Variants in KCNIP1 observed in about 807,000 individuals in gnomAD.
The protein encoded by KCNIP1 is A-type potassium channel modulatory protein KCNIP1.
In KCNIP1, 18 loss-of-function variants were observed where a neutral mutation model predicts 33.0. The observed-to-expected ratio is 0.55, with a 90% CI of 0.38 to 0.81. The LOEUF is 0.81. KCNIP1 is among the 30% of genes least tolerant of loss of function. KCNIP1 has a pLI of 0.00. For synonymous variants in KCNIP1, 93 were observed against 98.3 expected, an observed-to-expected ratio of 0.95 and a Z score of 0.32; for missense variants, 238 against 271.6, an observed-to-expected ratio of 0.88 and a Z score of 0.87.
At chr5:170,527,400 C>A (rs1453202913) in intron 1 of KCNIP1, among the ~76,000 whole-genome samples, 5 of 152,066 alleles carry the variant, frequency 3.3e-5, no homozygotes, top group Non-Finnish European at 2.9e-5. Context: ...TGGGCTTGGG[C>A]ATCAGGAAGA....
chr5:170,600,769 A>C (rs188723996), intron 1 of KCNIP1, among the ~76,000 whole-genome samples: 11 of 152,346 alleles, frequency 7.2e-5, no homozygotes, highest in Middle Eastern at 3.4e-3. Context: ...GCCTGGATTC[A>C]GATCTCCACT....
At chr5:170,651,187 C>G (rs1761028687) in intron 1 of KCNIP1, among the ~76,000 whole-genome samples, 1 of 152,118 alleles carries the variant, frequency 6.6e-6, no homozygotes, top group South Asian at 2.1e-4. Context: ...TTCTAACAGT[C>G]AGGGCTCCCA....
At chr5:170,654,923 A>G (rs1761201083) in intron 1 of KCNIP1, among the ~76,000 whole-genome samples, 1 of 152,246 alleles carries the variant, frequency 6.6e-6, no homozygotes, top group South Asian at 2.1e-4. Context: ...GGTGTATCAT[A>G]AAACCATTAC....
chr5:170,430,421 C>A (rs780658241), intron 1 of KCNIP1, among the ~76,000 whole-genome samples: 2 of 152,212 alleles, frequency 1.3e-5, no homozygotes, highest in African/African-American at 2.4e-5. Context: ...ACTTGCCCAG[C>A]ATTCTCTTCC....
intron 1 of KCNIP1, among the ~76,000 whole-genome samples, chr5:170,708,757 G>C (rs1473949907): frequency 1.3e-5 from 2 of 152,158 alleles, no homozygotes; most frequent in Non-Finnish European, 2.9e-5. Flanking sequence ...AAACTAGCCA[G>C]GCATGGTGAC....
At chr5:170,555,236 G>A (rs1205011420) in intron 1 of KCNIP1, among the ~76,000 whole-genome samples, 9 of 152,066 alleles carry the variant, frequency 5.9e-5, no homozygotes, top group Non-Finnish European at 5.9e-5. Flanking sequence ...TGACAGCATC[G>A]TGGAGGTGAT....
At chr5:170,627,289 T>A (rs1003276423) in intron 1 of KCNIP1, among the ~76,000 whole-genome samples, 14 of 152,176 alleles carry the variant, frequency 9.2e-5, no homozygotes, top group African/African-American at 3.4e-4. Flanking sequence ...AAATAAATAA[T>A]GTACCTGGTA....
chr5:170,691,276 C>T (rs1027021529), intron 1 of KCNIP1, among the ~76,000 whole-genome samples: 1 of 152,062 alleles, frequency 6.6e-6, no homozygotes, highest in Non-Finnish European at 1.5e-5. Flanking sequence ...CTGCCACAGG[C>T]TAAATAAGTT....
At chr5:170,445,126 G>A (rs536550336) in intron 1 of KCNIP1, among the ~76,000 whole-genome samples, 3 of 152,358 alleles carry the variant, frequency 2.0e-5, no homozygotes, top group East Asian at 1.9e-4. Context: ...GTGCCTGGCC[G>A]TCACTGGCCA....
intron 1 of KCNIP1, among the ~76,000 whole-genome samples, chr5:170,633,764 G>C (rs1760173824): frequency 8.4e-6 from 1 of 119,614 alleles, no homozygotes; most frequent in Non-Finnish European, 1.8e-5. Context: ...GGGCGGAGGG[G>C]GGATGGGGCG....
intron 1 of KCNIP1, chr5:170,377,637 A>G (rs77069032): frequency 0.069 from 10,405 of 151,872 alleles, 436 homozygotes; most frequent in Middle Eastern, 0.15. Flanking sequence ...CAGTGGCACA[A>G]TCTCGGCTCA....
chr5:170,437,097 G>A (rs941163774), intron 1 of KCNIP1, among the ~76,000 whole-genome samples: 1 of 152,188 alleles, frequency 6.6e-6, no homozygotes, highest in African/African-American at 2.4e-5. Context: ...CGGAAAATGG[G>A]GGTATGATTT....
intron 1 of KCNIP1, among the ~76,000 whole-genome samples, chr5:170,622,709 G>A (rs1425516086): frequency 3.9e-5 from 6 of 152,128 alleles, no homozygotes; most frequent in South Asian, 2.1e-4. Context: ...GATGCAGCGC[G>A]AGGCTAAGGA....
In KCNIP1 at chr5:170,519,136, G is replaced by A. The variant is rs562909578; in HGVS notation, c.61+14503G>A. Among the ~76,000 whole-genome samples the A allele has an allele frequency of 4.6e-5, 7 of 152,168 alleles. No homozygotes were observed. The South Asian group carries it at 6.2e-4, about 14-fold the overall frequency. On this transcript the variant is annotated intron_variant, in intron 1 of 7. Transcript: ENST00000328939. ...GGGTGTGGCATATAGTGAGGGCTCC[G>A]CTAATGGCAGCAGCTATTAATATTG...
chr5:170,642,743 G>A (rs372311281), intron 1 of KCNIP1, among the ~76,000 whole-genome samples: 18 of 152,186 alleles, frequency 1.2e-4, no homozygotes, highest in African/African-American at 4.3e-4. Flanking sequence ...AGGGCTAAGG[G>A]TAAACCTGGG....
At chr5:170,515,818 G>T (rs13168824) in intron 1 of KCNIP1, among the ~76,000 whole-genome samples, 11,563 of 152,262 alleles carry the variant, frequency 0.076, 506 homozygotes, top group Middle Eastern at 0.2. Flanking sequence ...GGATTCAGAG[G>T]ATGGAGAAAG....
rs550395822 is a variant in KCNIP1 at position 170,623,214 on chromosome 5, T to TA, written c.62-95544_62-95543insA. On this transcript the variant is annotated intron_variant, in intron 1 of 7. Transcript: ENST00000328939. ...CAGGGGATTGGCGACCCCTGTCTTT[T>TA]TTTTTTTCTTTTTTTTGAGATGGAG... Among the ~76,000 whole-genome samples, 30 of 151,136 alleles carry TA rather than the reference T, an allele frequency of 2.0e-4. No individual in the cohort carries two copies. The East Asian group carries it at 5.5e-3, about 28-fold the overall frequency.
intron 1 of KCNIP1, among the ~76,000 whole-genome samples, chr5:170,599,904 C>T (rs1248022888): frequency 6.6e-6 from 1 of 152,238 alleles, no homozygotes; most frequent in Admixed American, 6.5e-5. Context: ...GTGATTCACT[C>T]CCTTTCCACT....
intron 1 of KCNIP1, among the ~76,000 whole-genome samples, chr5:170,514,843 G>T (rs923066847): frequency 3.3e-5 from 5 of 152,220 alleles, no homozygotes; most frequent in African/African-American, 1.2e-4. Context: ...AATAACAACA[G>T]TAACAAACAT....
Sources: gnomAD v4.1 joint callset for allele counts (sites outside exome capture counted in the v4.1 genomes callset) on GRCh38, gnomAD v4.1.1 for gene constraint, MANE v1.5 for transcripts, NCBI Gene and HGNC (gene_info 2026-07-23, HGNC 2026-07-21) for gene names.